The following RMDN2 variants were observed in gnomAD, a reference collection of about 807,000 sequenced individuals.
RMDN2 encodes regulator of microtubule dynamics protein 2.
RMDN2 carries 61 observed loss-of-function variants against 52.8 expected under a neutral mutation model. The ratio of observed to expected loss-of-function variants is 1.16; its 90% confidence interval spans 0.94 to 1.43. The LOEUF (loss-of-function observed/expected upper bound fraction) is 1.43, where lower values mean the gene tolerates loss of function less well. Ranked by LOEUF, RMDN2 falls within the 40% of genes most tolerant of loss-of-function variation. The probability of loss-of-function intolerance (pLI) is 0.00; values close to 1 mark genes in which losing one functional copy is unlikely to be tolerated. For synonymous variants in RMDN2, 180 were observed against 153.1 expected, an observed-to-expected ratio of 1.18 and a Z score of -1.30; for missense variants, 592 against 475.3, an observed-to-expected ratio of 1.25 and a Z score of -2.28.
chr2:37,951,513 G>T (rs1668789096), intron 2 of RMDN2: 3 of 1,612,032 alleles, frequency 1.9e-6, no homozygotes, highest in Non-Finnish European at 2.5e-6. Context: ...AGCTAACTTT[G>T]ATTCTGAAGA....
At chr2:37,948,784 G>T (rs1234886922) in intron 2 of RMDN2, among the ~76,000 whole-genome samples, 1 of 152,082 alleles carries the variant, frequency 6.6e-6, no homozygotes, top group African/African-American at 2.4e-5. Context: ...CCTAAACACC[G>T]TTTTTTGTGT....
intron 10 of RMDN2, among the ~76,000 whole-genome samples, chr2:38,006,046 T>C (rs564782082): frequency 2.0e-5 from 3 of 152,350 alleles, no homozygotes; most frequent in Admixed American, 1.3e-4. Flanking sequence ...GGCTCTGTTC[T>C]GTTCCATTGG....
At chr2:37,938,905 C>T (rs1418372109) in intron 2 of RMDN2, among the ~76,000 whole-genome samples, 1 of 152,118 alleles carries the variant, frequency 6.6e-6, no homozygotes, top group East Asian at 1.9e-4. Flanking sequence ...TTCAGTTCTG[C>T]TCTGATCTTA....
chr2:38,014,251 A>G (rs1461891959), intron 10 of RMDN2, among the ~76,000 whole-genome samples: 1 of 152,236 alleles, frequency 6.6e-6, no homozygotes, highest in African/African-American at 2.4e-5. Flanking sequence ...TATAGATAGT[A>G]TAGACAGACT....
downstream of RMDN2, among the ~76,000 whole-genome samples, chr2:38,019,234 C>CAT (rs564951575): frequency 1.7e-4 from 26 of 152,320 alleles, no homozygotes; most frequent in East Asian, 5.0e-3. Flanking sequence ...GGGAGCAACT[C>CAT]ATTCCGGCAG....
chr2:38,014,701 A>C (rs1047546400), intron 10 of RMDN2, among the ~76,000 whole-genome samples: 2 of 152,216 alleles, frequency 1.3e-5, no homozygotes, highest in South Asian at 4.1e-4. Context: ...AAATAAATCT[A>C]TATTTTTGAA....
intron 2 of RMDN2, among the ~76,000 whole-genome samples, chr2:37,940,421 G>T (rs1045307812): frequency 2.0e-5 from 3 of 152,126 alleles, no homozygotes; most frequent in Non-Finnish European, 4.4e-5. Context: ...GAATTTGAAT[G>T]TTGGCCTGTC....
chr2:37,997,541 G>A (rs772566185), intron 8 of RMDN2, 27 bp downstream of exon 8: 8 of 1,389,022 alleles, frequency 5.8e-6, no homozygotes, highest in Middle Eastern at 1.8e-4. Flanking sequence ...CATTATTTTA[G>A]TGTCAGACTG....
chr2:37,983,300 T>A (rs557070833), intron 5 of RMDN2, among the ~76,000 whole-genome samples: 1 of 152,332 alleles, frequency 6.6e-6, no homozygotes, highest in South Asian at 2.1e-4. Context: ...ATTAAGTACC[T>A]TGAAATGTAT....
At chr2:38,010,379 G>A (rs1677790672) in intron 10 of RMDN2, among the ~76,000 whole-genome samples, 1 of 152,206 alleles carries the variant, frequency 6.6e-6, no homozygotes. Flanking sequence ...CTTCCTGGCT[G>A]CTTTGTTTAG....
At chr2:38,013,015 G>T (rs1188741075) in intron 10 of RMDN2, among the ~76,000 whole-genome samples, 1 of 152,176 alleles carries the variant, frequency 6.6e-6, no homozygotes, top group African/African-American at 2.4e-5. Context: ...GGTCTCTAGA[G>T]CCCAGATTCA....
At chr2:37,969,774 T>C (rs977427322) in intron 2 of RMDN2, among the ~76,000 whole-genome samples, 15 of 142,122 alleles carry the variant, frequency 1.1e-4, no homozygotes, top group Admixed American at 8.7e-4. Flanking sequence ...TAATGTTTCA[T>C]AATTAAGTGT....
chr2:37,944,768 T>C (rs1402084189), intron 2 of RMDN2, among the ~76,000 whole-genome samples: 7 of 152,278 alleles, frequency 4.6e-5, no homozygotes, highest in Non-Finnish European at 8.8e-5. Context: ...GGAAGGAGGT[T>C]GTGTAATTAA....
intron 7 of RMDN2, among the ~76,000 whole-genome samples, chr2:37,996,071 T>C (rs1675493762): frequency 6.6e-6 from 1 of 152,170 alleles, no homozygotes. Context: ...ACAAATGTGC[T>C]CCACTGTTGA....
At chr2:38,036,493 C>T (rs1680589172) in intron 10 of RMDN2, 1 of 152,200 alleles carries the variant, frequency 6.6e-6, no homozygotes, top group African/African-American at 2.4e-5. Flanking sequence ...CCACATACCC[C>T]TCCCCAAGAG....
At chr2:38,012,213 A>G (rs6544134) in intron 10 of RMDN2, among the ~76,000 whole-genome samples, 85,079 of 151,952 alleles carry the variant, frequency 0.56, 24,484 homozygotes, top group East Asian at 0.9. Flanking sequence ...ATTCCTTCCT[A>G]TCCTCCAGGC....
intron 2 of RMDN2, among the ~76,000 whole-genome samples, chr2:37,964,904 ATATATTT>A (rs1670828234): frequency 6.6e-6 from 1 of 151,904 alleles, no homozygotes; most frequent in South Asian, 2.1e-4. Context: ...TGTTTGCTTC[ATATATTT>A]AGGAAGGATG....
At chr2:37,947,148 C>T (rs919690279) in intron 2 of RMDN2, among the ~76,000 whole-genome samples, 1 of 151,974 alleles carries the variant, frequency 6.6e-6, no homozygotes, top group Non-Finnish European at 1.5e-5. Flanking sequence ...AACTATCACC[C>T]AAATAGTGTA....
intron 10 of RMDN2, among the ~76,000 whole-genome samples, chr2:38,046,878 G>A (rs535292172): frequency 5.3e-4 from 81 of 152,196 alleles, no homozygotes; most frequent in African/African-American, 1.9e-3. Context: ...AGCTACTCGG[G>A]AGGCAGAGGC....
Sources: allele counts gnomAD v4.1 joint callset (sites outside exome capture counted in the v4.1 genomes callset), GRCh38; gene constraint gnomAD v4.1.1; transcripts MANE v1.5; gene names NCBI Gene and HGNC (gene_info 2026-07-23, HGNC 2026-07-21).